RAD51B: variants seen among roughly 807,000 people sequenced by gnomAD.
The protein encoded by RAD51B is DNA repair protein RAD51 homolog 2.
In RAD51B, 38 loss-of-function variants were observed where a neutral mutation model predicts 42.2. That is an observed-to-expected ratio of 0.90 (90% CI 0.70 to 1.18). The LOEUF (loss-of-function observed/expected upper bound fraction) is 1.18, where lower values mean the gene tolerates loss of function less well. RAD51B is among the 50% of genes most tolerant of loss of function. The pLI, the probability that RAD51B is intolerant of heterozygous loss-of-function variation, is 0.00. For missense variants in RAD51B, 373 were observed against 400.7 expected (o/e 0.93, Z 0.59); for synonymous variants, 154 against 145.2 (o/e 1.06, Z -0.43).
intron 10 of RAD51B, among the ~76,000 whole-genome samples, chr14:68,518,559 C>CA (rs911440672): frequency 2.0e-5 from 3 of 150,706 alleles, no homozygotes; most frequent in Non-Finnish European, 3.0e-5. Context: ...TATGAGCCCC[C>CA]CCCCCAGGCC....
intron 7 of RAD51B, among the ~76,000 whole-genome samples, chr14:67,928,809 C>T (rs985195206): frequency 3.3e-5 from 5 of 151,848 alleles, no homozygotes; most frequent in Non-Finnish European, 5.9e-5. Context: ...ACCCTTTCTA[C>T]CTGCCTAAAA....
intron 7 of RAD51B, among the ~76,000 whole-genome samples, chr14:68,009,556 A>G (rs1292847194): frequency 6.6e-6 from 1 of 151,870 alleles, no homozygotes; most frequent in African/African-American, 2.4e-5. Context: ...TTTAGTGTCT[A>G]GTGTAGGGTT....
intron 7 of RAD51B, among the ~76,000 whole-genome samples, chr14:67,888,708 A>G (rs373849932): frequency 1.3e-5 from 2 of 152,198 alleles, no homozygotes; most frequent in Admixed American, 6.5e-5. Flanking sequence ...TTTACATAGC[A>G]TGTACATTGT....
intron 10 of RAD51B, among the ~76,000 whole-genome samples, chr14:68,602,202 G>C (rs1891245793): frequency 6.6e-6 from 1 of 151,896 alleles, no homozygotes; most frequent in African/African-American, 2.4e-5. Context: ...CTGCCTTCCT[G>C]CTTGTCCACC....
At chr14:68,657,048 T>A (rs1465337258) in intron 11 of RAD51B, among the ~76,000 whole-genome samples, 1 of 152,202 alleles carries the variant, frequency 6.6e-6, no homozygotes, top group Non-Finnish European at 1.5e-5. Flanking sequence ...TAGAAGTTTC[T>A]ACAAAGATGG....
At chr14:68,341,490 T>C (rs532920523) in intron 8 of RAD51B, among the ~76,000 whole-genome samples, 14 of 150,588 alleles carry the variant, frequency 9.3e-5, no homozygotes. Context: ...TTATGATAAA[T>C]ACAAGTGACA....
chr14:68,495,811 C>T (rs2140289940), intron 10 of RAD51B, among the ~76,000 whole-genome samples: 1 of 152,284 alleles, frequency 6.6e-6, no homozygotes, highest in East Asian at 1.9e-4. Context: ...AAAAACCCAT[C>T]AAGCATTTGG....
intron 7 of RAD51B, among the ~76,000 whole-genome samples, chr14:68,229,363 T>C (rs948924198): frequency 2.0e-5 from 3 of 152,202 alleles, no homozygotes; most frequent in South Asian, 2.1e-4. Context: ...GATTTTCTTA[T>C]AAAACTCTTT....
chr14:68,541,388 C>T lies in RAD51B; in HGVS notation c.1037-53097C>T, dbSNP rs1325189081. On this transcript the variant is annotated intron_variant, in intron 10 of 10. Transcript: ENST00000487270. ...AATGCCATAGTCCTTCCCAGAAGCA[C>T]ATCTTATATGCACAGTCCTCACAGA... 6 of 985,454 alleles carry T rather than the reference C, an allele frequency of 6.1e-6. No individual in the cohort carries two copies. The African/African-American group carries it at 8.7e-5, about 14-fold the overall frequency. 61.0% of individuals were successfully genotyped at this position (985,454 alleles called of 1,614,324 possible).
At chr14:67,897,892 T>C (rs551488065) in intron 7 of RAD51B, among the ~76,000 whole-genome samples, 1 of 152,312 alleles carries the variant, frequency 6.6e-6, no homozygotes, top group East Asian at 1.9e-4. Context: ...CCTCAGGTGA[T>C]CCATCCACCT....
intron 1 of RAD51B, 99 bp from the exon 2 acceptor site, chr14:67,823,443 A>G: frequency 1.1e-6 from 1 of 887,874 alleles, no homozygotes; most frequent in Non-Finnish European, 1.7e-6. Context: ...GAGAAACTTG[A>G]GGAATTTTTA....
chr14:68,369,752 G>A (rs1338131379), intron 8 of RAD51B, among the ~76,000 whole-genome samples: 1 of 152,152 alleles, frequency 6.6e-6, no homozygotes, highest in Non-Finnish European at 1.5e-5. Flanking sequence ...CTCAGTACAG[G>A]TTGCTGAGTT....
At chr14:68,086,503 T>C (rs2076987686) in intron 7 of RAD51B, among the ~76,000 whole-genome samples, 1 of 151,962 alleles carries the variant, frequency 6.6e-6, no homozygotes, top group Non-Finnish European at 1.5e-5. Flanking sequence ...GGTCTGGGGG[T>C]AGAGCCCTCG....
chr14:68,019,865 GA>G (rs1398245503), intron 7 of RAD51B, among the ~76,000 whole-genome samples: 1 of 152,192 alleles, frequency 6.6e-6, no homozygotes, highest in Non-Finnish European at 1.5e-5. Context: ...GGCAGGAGGA[GA>G]AAAGACCAAA....
intron 7 of RAD51B, among the ~76,000 whole-genome samples, chr14:68,032,325 T>C (rs559218091): frequency 1.3e-5 from 2 of 152,314 alleles, no homozygotes; most frequent in South Asian, 4.1e-4. Context: ...TAGCACTCTC[T>C]CTCTCTCTTC....
intron 9 of RAD51B, among the ~76,000 whole-genome samples, chr14:68,456,390 G>C (rs1482959159): frequency 1.3e-5 from 2 of 151,970 alleles, no homozygotes; most frequent in Non-Finnish European, 2.9e-5. Flanking sequence ...TAAAAAGATG[G>C]AAAAATACAT....
At chr14:68,196,820 A>G (rs1463152026) in intron 7 of RAD51B, among the ~76,000 whole-genome samples, 2 of 152,366 alleles carry the variant, frequency 1.3e-5, no homozygotes, top group South Asian at 4.1e-4. Context: ...CTTTGGATCA[A>G]ATGCTATGCT....
At chr14:68,458,944 A>G (rs2085773421) in intron 9 of RAD51B, among the ~76,000 whole-genome samples, 1 of 152,162 alleles carries the variant, frequency 6.6e-6, no homozygotes, top group Non-Finnish European at 1.5e-5. Context: ...TGCCCGCATA[A>G]TCCTGCAAAG....
intron 9 of RAD51B, among the ~76,000 whole-genome samples, chr14:68,430,691 T>G (rs2084979572): frequency 6.6e-6 from 1 of 152,208 alleles, no homozygotes; most frequent in African/African-American, 2.4e-5. Flanking sequence ...ATATATCATC[T>G]GCAAACAGGG....
Sources: allele counts gnomAD v4.1 joint callset (sites outside exome capture counted in the v4.1 genomes callset), GRCh38; gene constraint gnomAD v4.1.1; transcripts MANE v1.5; gene names NCBI Gene and HGNC (gene_info 2026-07-23, HGNC 2026-07-21).